NTRK1: variants seen among roughly 807,000 people sequenced by gnomAD.
The protein encoded by NTRK1 is high affinity nerve growth factor receptor.
NTRK1 carries 62 observed loss-of-function variants against 86.8 expected under a neutral mutation model. The observed-to-expected ratio is 0.71, with a 90% CI of 0.58 to 0.88. The LOEUF (loss-of-function observed/expected upper bound fraction) is 0.88. NTRK1 is among the 40% of genes least tolerant of loss of function. The pLI is 0.00. For synonymous variants in NTRK1, 469 were observed against 456.6 expected (o/e 1.03, Z -0.35); for missense variants, 967 against 1,078.4 (o/e 0.90, Z 1.45).
Position 156,873,681 on chromosome 1 carries a change from G to T in NTRK1, c.899G>T (p.Cys300Phe), listed in dbSNP as rs754703492. 2 of 1,610,584 alleles carry T rather than the reference G, an allele frequency of 1.2e-6. No individual in the cohort carries two copies. Among genetic ancestry groups the T allele is most frequent in the Non-Finnish European group, 1.7e-6 (2 of 1,179,380 alleles). The change falls in exon 8 of 17, where the codon TGC (cysteine) becomes TTC (phenylalanine). Residue 300 changes from cysteine (C) to phenylalanine (F), a missense_variant. Around this residue, in one of 2 missense-constraint regions of NTRK1, gnomAD observed 637 missense variants for 776.5 expected, o/e 0.82. Coordinates refer to ENST00000524377, the MANE Select transcript of NTRK1 (RefSeq NM_002529.4). ...ACGGCGGTGGAGATGCACCACTGGTGCATCCCCTTCTCTGTGGATGGGCAG... is the reference window on the plus strand; with the variant it reads ...ACGGCGGTGGAGATGCACCACTGGTTCATCCCCTTCTCTGTGGATGGGCAG... Reference protein sequence around the residue: ...LHTAVEMHHWCIPFSVDGQPA... With the variant: ...LHTAVEMHHWFIPFSVDGQPA...
chr1:156,836,390 A>G (rs1654600808), intron 1 of NTRK1, among the ~76,000 whole-genome samples: 1 of 151,804 alleles, frequency 6.6e-6, no homozygotes, highest in African/African-American at 2.4e-5. Context: ...ACCCTGCTCT[A>G]TTTCTTTCTC....
intron 1 of NTRK1, among the ~76,000 whole-genome samples, chr1:156,831,044 T>G (rs1203684028): frequency 6.6e-6 from 1 of 152,206 alleles, no homozygotes; most frequent in East Asian, 1.9e-4. Context: ...CAACCCTGCA[T>G]GCTGCTGGGC....
At chr1:156,869,135 G>A (rs936151949) in intron 6 of NTRK1, among the ~76,000 whole-genome samples, 26 of 149,638 alleles carry the variant, frequency 1.7e-4, no homozygotes, top group Admixed American at 3.4e-4. Flanking sequence ...GCAGTGGCGC[G>A]ATCTTGACTC....
At chr1:156,837,910 TG>T (rs562252733) in intron 1 of NTRK1, 35 of 152,286 alleles carry the variant, frequency 2.3e-4, no homozygotes, top group African/African-American at 7.9e-4. Context: ...CTTGGTATTA[TG>T]GGGCGGGATA....
At chr1:156,859,202 C>A (rs1002120732), upstream of NTRK1, among the ~76,000 whole-genome samples, 7 of 138,732 alleles carry the variant, frequency 5.0e-5, no homozygotes, top group Admixed American at 1.5e-4. This position sits in a 1 kb window ranked among gnomAD's most constrained non-coding sequence, Gnocchi z 6.2. Context: ...CCTTTCCGTT[C>A]TCTCCACCCC....
Position 156,854,143 on chromosome 1 carries a change from G to A in NTRK1, c.51-10211G>A, listed in dbSNP as rs759760516. 6.2e-7 allele frequency: 1 copy of A among 1,614,174 alleles called. No individual in the cohort carries two copies. The highest frequency in any genetic ancestry group is 1.1e-5 in the South Asian group (1 of 91,092). ...GTCCGTAGACACGGAAGAGCAGCAG[G>A]TAGTCGGTGACCTGGGTGAGGCGAG... On this transcript the variant is annotated intron_variant, in intron 2 of 16. Transcript: ENST00000392302. The surrounding 1 kb of genome is among the most constrained non-coding windows in gnomAD (Gnocchi z 4.2).
In NTRK1 at chr1:156,827,979, C is replaced by T. The variant is rs548600093; in HGVS notation, c.-64+12141C>T. ...AATGTTATATAGTATATTAATATAT[C>T]CTTTTTTTTATTTTTAGAAATGGGG... On this transcript the variant is annotated intron_variant, in intron 1 of 16. Transcript: ENST00000392302. Among the ~76,000 whole-genome samples, 5 of 151,806 alleles carry T rather than the reference C, an allele frequency of 3.3e-5. 1 individual carries two copies. Among genetic ancestry groups the T allele is most frequent in the African/African-American group, 1.2e-4 (5 of 41,382 alleles).
rs1478798080 is a variant in NTRK1, at chr1:156,876,061, AC to A, written c.1502-16del. ...CTCCCAAGACTGGGGCTACCGTCTG[AC>A]CCTGCAAGCCCCCTCAGGTGTTCAC... On this transcript the variant is annotated intron_variant, in intron 12 of 16. Coordinates refer to ENST00000524377, the MANE Select transcript of NTRK1 (RefSeq NM_002529.4). 1 of 1,613,732 alleles carries A rather than the reference AC, an allele frequency of 6.2e-7. No homozygotes were observed. The highest frequency in any genetic ancestry group is 8.5e-7 in the Non-Finnish European group (1 of 1,179,942).
rs1443151347 is a variant in NTRK1, at chr1:156,854,190, C to A, written c.51-10164C>A. On this transcript the variant is annotated intron_variant, in intron 2 of 16. Coordinates refer to the NTRK1 transcript ENST00000392302. The surrounding 1 kb of genome is among the most constrained non-coding windows in gnomAD (Gnocchi z 4.2). The stretch of plus-strand genomic sequence containing the variant: ...CGAGGGAAGCTGAGGCCGCGGAAGT[C>A]CTCCCCGGTGGCTGTGAACATGAGC... 3.1e-6 allele frequency: 5 copies of A among 1,614,114 alleles called. No individual in the cohort carries two copies. Among genetic ancestry groups the A allele is most frequent in the Non-Finnish European group, 4.2e-6 (5 of 1,180,030 alleles).
intron 2 of NTRK1, among the ~76,000 whole-genome samples, chr1:156,850,301 T>C (rs1571667664): frequency 6.6e-6 from 1 of 152,102 alleles, no homozygotes; most frequent in South Asian, 2.1e-4. Context: ...AACCCCTGTC[T>C]CCCAGGTTCA....
chr1:156,874,203 G>A, intron 8 of NTRK1, 180 bp from the exon 9 acceptor site: 1 of 1,031,010 alleles, frequency 9.7e-7, no homozygotes, highest in East Asian at 2.4e-5. Flanking sequence ...GGGCATCCTG[G>A]CCCAGCTGGA....
chr1:156,822,661 A>G (rs2102834446), intron 1 of NTRK1, among the ~76,000 whole-genome samples: 1 of 149,490 alleles, frequency 6.7e-6, no homozygotes, highest in Middle Eastern at 3.6e-3. Context: ...GCTAGTCCAG[A>G]GGCTCTAATT....
intron 1 of NTRK1, chr1:156,841,954 C>A (rs1654805263): frequency 1.3e-6 from 2 of 1,547,256 alleles, no homozygotes; most frequent in Non-Finnish European, 1.8e-6. Flanking sequence ...CCATCCAAAC[C>A]CCTCTGCCCT....
At chr1:156,856,042 C>G (rs1655396494), upstream of NTRK1, among the ~76,000 whole-genome samples, 1 of 152,032 alleles carries the variant, frequency 6.6e-6, no homozygotes, top group African/African-American at 2.4e-5. Flanking sequence ...CTGGCCTCTT[C>G]AAGTAATCCC....
chr1:156,877,566 G>C (rs377133298), intron 14 of NTRK1, among the ~76,000 whole-genome samples: 1 of 152,224 alleles, frequency 6.6e-6, no homozygotes, highest in African/African-American at 2.4e-5. Context: ...GATCACCCCC[G>C]GGAGGATGGG....
intron 5 of NTRK1, 115 bp downstream of exon 5, chr1:156,868,364 G>C: frequency 6.5e-7 from 1 of 1,540,416 alleles, no homozygotes; most frequent in Non-Finnish European, 8.7e-7. Context: ...ACTGGCAAAG[G>C]CTGGGGGAAA....
At chr1:156,856,960 G>A (rs778351835), upstream of NTRK1, among the ~76,000 whole-genome samples, 3 of 152,030 alleles carry the variant, frequency 2.0e-5, no homozygotes, top group East Asian at 1.9e-4. Flanking sequence ...TCCTGCTAAC[G>A]TCTCCAGCCT....
upstream of NTRK1, chr1:156,858,587 C>T: frequency 3.1e-6 from 5 of 1,614,094 alleles, no homozygotes; most frequent in South Asian, 1.1e-5. Flanking sequence ...CACAGGCAGG[C>T]ATGCTCCCCA....
intron 2 of NTRK1, chr1:156,853,710 C>G: frequency 6.4e-7 from 1 of 1,554,702 alleles, no homozygotes; most frequent in Non-Finnish European, 8.8e-7. Context: ...TGTGACCCTG[C>G]TCTCTCCCTT....
Sources: gnomAD v4.1 joint callset for allele counts (sites outside exome capture counted in the v4.1 genomes callset) on GRCh38, gnomAD v4.1.1 for gene constraint, gnomAD v4.1.1 regional missense constraint, Gnocchi (gnomAD v3.1) non-coding constraint, MANE v1.5 for transcripts, NCBI Gene and HGNC (gene_info 2026-07-23, HGNC 2026-07-21) for gene names.